Variants in BOC observed in about 807,000 individuals in gnomAD.
BOC encodes the protein BOC cell adhesion associated, oncogene regulated.
BOC carries 76 observed loss-of-function variants against 112.0 expected under a neutral mutation model. The ratio of observed to expected loss-of-function variants is 0.68; its 90% CI spans 0.56 to 0.82. The LOEUF (loss-of-function observed/expected upper bound fraction) is 0.82, where lower values mean the gene tolerates loss of function less well. BOC is among the 40% of genes least tolerant of loss of function. The probability of loss-of-function intolerance (pLI) is 0.00; values close to 1 mark genes in which losing one functional copy is unlikely to be tolerated. For missense variants in BOC, 1,309 were observed against 1,511.7 expected, an observed-to-expected ratio of 0.87 and a Z score of 2.22; for synonymous variants, 580 against 599.8, an observed-to-expected ratio of 0.97 and a Z score of 0.48.
intron 1 of BOC, chr3:113,212,634 G>T (rs997505750): frequency 6.6e-6 from 1 of 152,600 alleles, no homozygotes. Flanking sequence ...TGGCGCAGAG[G>T]GGCGAGGCTG....
Position 113,250,498 on chromosome 3 carries a change from G to A in BOC, c.98-57G>A, listed in dbSNP as rs908627093. 1.8e-5 allele frequency: 28 copies of A among 1,542,248 alleles called. No homozygotes were observed. The Admixed American group carries it at 3.0e-4, about 16-fold the overall frequency. On this transcript the variant is annotated intron_variant, in intron 3 of 19. Transcript: ENST00000682979. ...TCCTGGGTGCAGTGCTTCTAAAAAC[G>A]TGATGTTGTTTTCTTGGGGGCATCA...
intron 4 of BOC, among the ~76,000 whole-genome samples, chr3:113,267,106 C>T (rs375919028): frequency 5.3e-5 from 8 of 152,290 alleles, no homozygotes; most frequent in South Asian, 2.1e-4. Context: ...GGCCAGTATT[C>T]GGAGAAGGTG....
intron 4 of BOC, among the ~76,000 whole-genome samples, chr3:113,266,034 C>T (rs999967963): frequency 2.0e-5 from 3 of 151,804 alleles, no homozygotes; most frequent in Admixed American, 2.0e-4. Flanking sequence ...ATATCACACA[C>T]AAAACATTAA....
chr3:113,269,263 C>T (rs1361248086), intron 5 of BOC: 1 of 152,246 alleles, frequency 6.6e-6, no homozygotes, highest in Non-Finnish European at 1.5e-5. Context: ...CATGCTCAAG[C>T]CACAGTGGAC....
Position 113,286,916 on chromosome 3 carries a change from A to G in BOC, c.*54A>G. ...ATATTGTTTTTTTTTTAAAAAAAAA[A>G]AGAAGAAAAAAGAGACAGAGAAAAT... On this transcript the variant is annotated 3_prime_UTR_variant, in exon 20 of 20. Transcript: ENST00000682979. 1 of 1,438,544 alleles carries G rather than the reference A, an allele frequency of 7.0e-7. No homozygotes were observed. The highest frequency in any genetic ancestry group is 9.3e-7 in the Non-Finnish European group (1 of 1,071,478). 89.1% of individuals were successfully genotyped at this position (1,438,544 alleles called of 1,614,324 possible).
intron 2 of BOC, among the ~76,000 whole-genome samples, chr3:113,238,448 G>A (rs997149621): frequency 2.0e-5 from 3 of 152,112 alleles, no homozygotes; most frequent in Non-Finnish European, 4.4e-5. Flanking sequence ...TAACTCAGCT[G>A]CTTTTTAGAA....
At chr3:113,267,828 T>C (rs773139275) in intron 4 of BOC, among the ~76,000 whole-genome samples, 2 of 152,194 alleles carry the variant, frequency 1.3e-5, no homozygotes, top group African/African-American at 2.4e-5. Context: ...CCTGGGTTCA[T>C]GCCATTCTCC....
At chr3:113,280,760 C>G in intron 14 of BOC, 97 bp downstream of exon 14, 1 of 1,079,906 alleles carries the variant, frequency 9.3e-7, no homozygotes. Flanking sequence ...AAGCATAAAC[C>G]TGCATCTGGT....
intron 2 of BOC, among the ~76,000 whole-genome samples, chr3:113,247,720 C>T (rs73235143): frequency 0.21 from 31,461 of 151,986 alleles, 3,978 homozygotes; most frequent in East Asian, 0.46. Flanking sequence ...AAGAGCTTAG[C>T]GAGTTCCTGG....
chr3:113,275,061 G>A lies in BOC; in HGVS notation c.1542+379G>A, dbSNP rs575921036. Among the ~76,000 whole-genome samples the A allele has an allele frequency of 2.6e-5, 4 of 152,292 alleles. No homozygotes were observed. In the East Asian group the frequency reaches 7.7e-4, roughly 29 times the overall value. On this transcript the variant is annotated intron_variant, in intron 9 of 19. Coordinates refer to ENST00000682979, the MANE Select transcript of BOC (RefSeq NM_001378074.1). ...CGTTAGTTGTTGATGTTACATTTTG[G>A]TTTTTTATGAAAGTAAGCCGTGCTG...
intron 4 of BOC, among the ~76,000 whole-genome samples, chr3:113,267,770 C>G (rs1368527589): frequency 2.0e-5 from 3 of 152,210 alleles, no homozygotes; most frequent in Non-Finnish European, 4.4e-5. Context: ...TCTTTTCGCC[C>G]AGGCCAGCGT....
Position 113,285,403 on chromosome 3 carries a change from T to A in BOC, c.2998T>A (p.Phe1000Ile). The change falls in exon 19 of 20, where the codon TTC becomes ATC. Residue 1000 changes from phenylalanine (F) to isoleucine (I), a missense_variant. By Grantham distance (21) the Phe-to-Ile change is conservative. Transcript: ENST00000682979. Reference protein sequence around the residue: ...GPKSSPDEGSFLYTLPDDSTH... With the variant: ...GPKSSPDEGSILYTLPDDSTH... ...CAAGTCTAGCCCGGACGAGGGCTCT[T>A]TCTTATACACACTGCCCGACGACTC... 6.2e-7 allele frequency: 1 copy of A among 1,613,548 alleles called. No individual in the cohort carries two copies. Among genetic ancestry groups the A allele is most frequent in the Non-Finnish European group, 8.5e-7 (1 of 1,179,864 alleles).
intron 4 of BOC, among the ~76,000 whole-genome samples, chr3:113,260,707 C>CAGAA (rs1222932074): frequency 0.017 from 2,407 of 138,466 alleles, 43 homozygotes; most frequent in African/African-American, 0.059. Context: ...CAGAACAGAA[C>CAGAA]AGAACAGAAC....
chr3:113,279,500 G>A lies in BOC; in HGVS notation c.2023+45G>A, dbSNP rs1401813883. 2.6e-6 allele frequency: 4 copies of A among 1,567,748 alleles called. No individual in the cohort carries two copies. The Admixed American group carries it at 7.0e-5, about 27-fold the overall frequency. On this transcript the variant is annotated intron_variant, in intron 12 of 19. Transcript: ENST00000682979. ...GTGGCCTTGGCCTGATCCCCCAGCTGCCCCTTTCCGCCTGGAGGAGGATGA... is the reference window on the plus strand; with the variant it reads ...GTGGCCTTGGCCTGATCCCCCAGCTACCCCTTTCCGCCTGGAGGAGGATGA...
At chr3:113,263,137 T>C (rs1475349146) in intron 4 of BOC, among the ~76,000 whole-genome samples, 1 of 152,232 alleles carries the variant, frequency 6.6e-6, no homozygotes, top group Non-Finnish European at 1.5e-5. Context: ...AAGTTGAGGC[T>C]TGGAGGTTGT....
In BOC at chr3:113,250,562, C is replaced by T. The variant is rs1473074764; in HGVS notation, c.105C>T (p.Val35=). Reference sequence around the variant, plus strand: ...TCCCTGTTCTTCCTCCAGACGAGGTCCCTCAGGTCACCGTCCAGCCTGCGT... The same window carrying T: ...TCCCTGTTCTTCCTCCAGACGAGGTTCCTCAGGTCACCGTCCAGCCTGCGT... ...TAGCFADLNE[V]PQVTVQPAST... is the part of the protein sequence containing the mutation. Residue 35 remains valine, a synonymous_variant, in exon 4 of 20, where the codon GTC becomes GTT. Transcript: ENST00000682979. 1 of 1,610,844 alleles carries T rather than the reference C, an allele frequency of 6.2e-7. No individual in the cohort carries two copies. Among genetic ancestry groups the T allele is most frequent in the Admixed American group, 1.7e-5 (1 of 59,782 alleles).
At chr3:113,251,227 A>C in intron 4 of BOC, 1 of 393,700 alleles carries the variant, frequency 2.5e-6, no homozygotes, top group African/African-American at 2.0e-5. Flanking sequence ...CTCCATTCTC[A>C]CCACAGTTAC....
chr3:113,220,587 G>T (rs1430483115), intron 2 of BOC, among the ~76,000 whole-genome samples: 1 of 152,190 alleles, frequency 6.6e-6, no homozygotes, highest in Non-Finnish European at 1.5e-5. Context: ...CCCAAGTTGA[G>T]TTAGGAGATG....
chr3:113,259,873 T>G (rs537816404), intron 4 of BOC, among the ~76,000 whole-genome samples: 1 of 152,314 alleles, frequency 6.6e-6, no homozygotes, highest in East Asian at 1.9e-4. Context: ...TCTCCTAGCT[T>G]TCAGAATGGT....
Sources: gnomAD v4.1 joint callset for allele counts (sites outside exome capture counted in the v4.1 genomes callset) on GRCh38, gnomAD v4.1.1 for gene constraint, MANE v1.5 for transcripts, NCBI Gene and HGNC (gene_info 2026-07-23, HGNC 2026-07-21) for gene names.